The following TBC1D3 variants were observed in gnomAD, a reference collection of about 807,000 sequenced individuals.
TBC1D3 encodes the protein TBC1 domain family member 3, also known as Rab GTPase-activating protein PRC17.
At chr17:38,191,896 G>T (rs2036241374) in intron 1 of TBC1D3, among the ~76,000 whole-genome samples, 2 of 28,268 alleles carry the variant, frequency 7.1e-5, no homozygotes, top group African/African-American at 9.7e-5. Context: ...CAGCCCTCCA[G>T]GGCTCCTTCA....
rs2036245001 is a variant in TBC1D3 at position 38,192,433 on chromosome 17, G to C, written c.-2+12C>G. On this transcript the variant is annotated intron_variant, in intron 1 of 13. Transcript: ENST00000620215. ...AAGTCCGCCTGGAGGGAAGAGAGCA[G>C]GTCACGCTCACCTGATTCTGATGAA... The C allele has an allele frequency of 7.6e-5, 6 of 78,444 alleles. No homozygotes were observed. The highest frequency in any genetic ancestry group is 1.5e-4 in the African/African-American group (5 of 32,574). The allele number at this position is 78,444 out of a possible 1,614,324, so 4.9% of individuals were successfully genotyped here.
intron 12 of TBC1D3, among the ~76,000 whole-genome samples, 173 bp downstream of exon 12, chr17:38,183,874 G>GTCC (rs2144067957): frequency 2.9e-4 from 1 of 3,460 alleles, no homozygotes; most frequent in African/African-American, 4.2e-4. Context: ...ACTTTCATCT[G>GTCC]GGTCATGTGG....
chr17:38,186,772 C>T (rs1378587289), intron 7 of TBC1D3, among the ~76,000 whole-genome samples, 192 bp from the exon 8 acceptor site: 6 of 34,452 alleles, frequency 1.7e-4, no homozygotes, highest in African/African-American at 4.8e-4. Flanking sequence ...GCAAATAGCC[C>T]AGTTGTACAG....
intron 7 of TBC1D3, among the ~76,000 whole-genome samples, 180 bp from the exon 8 acceptor site, chr17:38,186,760 A>G (rs1419284936): frequency 3.0e-5 from 1 of 33,156 alleles, no homozygotes; most frequent in African/African-American, 8.4e-5. Context: ...CATCTGTGAC[A>G]TGCAAATAGC....
At chr17:38,186,775 T>C (rs2036227722) in intron 7 of TBC1D3, among the ~76,000 whole-genome samples, 195 bp from the exon 8 acceptor site, 1 of 35,236 alleles carries the variant, frequency 2.8e-5, no homozygotes, top group Non-Finnish European at 6.6e-5. Flanking sequence ...AATAGCCCAG[T>C]TGTACAGTGA....
At chr17:38,186,836 CAT>C (rs2036228291) in intron 7 of TBC1D3, among the ~76,000 whole-genome samples, 3 of 24,950 alleles carry the variant, frequency 1.2e-4, no homozygotes, top group African/African-American at 2.7e-4. Flanking sequence ...TTTCAGTTTG[CAT>C]ACACGCCAGT....
At chr17:38,192,326 G>A (rs202018444) in intron 1 of TBC1D3, 119 bp downstream of exon 1, 3 of 20,584 alleles carry the variant, frequency 1.5e-4, no homozygotes, top group East Asian at 3.3e-3. Flanking sequence ...TAGAACGGGC[G>A]CCTGGTGAGT....
intron 12 of TBC1D3, among the ~76,000 whole-genome samples, 151 bp from the exon 13 acceptor site, chr17:38,183,827 G>GACCCAGATGAAAGTCGAGAGTGT (rs2144067752): frequency 4.4e-5 from 1 of 22,616 alleles, no homozygotes; most frequent in African/African-American, 7.5e-5. Flanking sequence ...TGTGGCTGGG[G>GACCCAGATGAAAGTCGAGAGTGT]GGCGATCCGG....
chr17:38,191,801 A>G (rs1191826579), intron 1 of TBC1D3, among the ~76,000 whole-genome samples: 49 of 25,080 alleles, frequency 2.0e-3, no homozygotes, highest in Admixed American at 3.7e-3. Flanking sequence ...AGGCCTCAAG[A>G]GGACCACGCA....
chr17:38,186,766 A>T (rs2036227621), intron 7 of TBC1D3, among the ~76,000 whole-genome samples, 186 bp from the exon 8 acceptor site: 1 of 33,976 alleles, frequency 2.9e-5, no homozygotes, highest in African/African-American at 8.2e-5. Flanking sequence ...TGACATGCAA[A>T]TAGCCCAGTT....
chr17:38,187,115 G>T (rs2036229802), intron 7 of TBC1D3, among the ~76,000 whole-genome samples: 13 of 112,448 alleles, frequency 1.2e-4, no homozygotes, highest in Admixed American at 1.1e-3. Flanking sequence ...TCAGCAAAAT[G>T]CATCTAGGAT....
At chr17:38,186,893 G>A (rs1374039653) in intron 7 of TBC1D3, among the ~76,000 whole-genome samples, 4 of 19,864 alleles carry the variant, frequency 2.0e-4, no homozygotes, top group African/African-American at 3.5e-4. Flanking sequence ...AAACCAATGT[G>A]CAGAGTCTCC....
chr17:38,191,814 G>C (rs2036240888), intron 1 of TBC1D3, among the ~76,000 whole-genome samples: 1 of 26,296 alleles, frequency 3.8e-5, no homozygotes, highest in Non-Finnish European at 3.4e-4. Context: ...ACCACGCAGA[G>C]CAAGAAATAC....
At chr17:38,183,841 G>GAT (rs2036217641) in intron 12 of TBC1D3, among the ~76,000 whole-genome samples, 165 bp from the exon 13 acceptor site, 7 of 15,864 alleles carry the variant, frequency 4.4e-4, no homozygotes, top group African/African-American at 7.2e-4. Context: ...GATCCGGACA[G>GAT]GGAAGTGCTC....
Position 38,186,783 on chromosome 17 carries a change from T to C in TBC1D3, c.498-203A>G, listed in dbSNP as rs1185472795. Reference sequence around the variant, plus strand: ...ACATGCAAATAGCCCAGTTGTACAGTGACTTGCCTGATCCTTTTCACTCTG... The same window carrying C: ...ACATGCAAATAGCCCAGTTGTACAGCGACTTGCCTGATCCTTTTCACTCTG... On this transcript the variant is annotated intron_variant, in intron 7 of 13. Transcript: ENST00000620215. 7.4e-3 allele frequency among the ~76,000 whole-genome samples: 262 copies of C among 35,594 alleles called. 1 individual carries two copies. Among genetic ancestry groups the C allele is most frequent in the African/African-American group, 0.02 (255 of 12,714 alleles). The allele number at this position is 35,594 out of a possible 152,430, so 23.4% of individuals were successfully genotyped here.
At chr17:38,183,863 G>GTGAGC (rs2036217983) in intron 12 of TBC1D3, among the ~76,000 whole-genome samples, 184 bp downstream of exon 12, 4 of 6,848 alleles carry the variant, frequency 5.8e-4, no homozygotes, top group African/African-American at 8.8e-4. Flanking sequence ...CCACACTCTC[G>GTGAGC]ACTTTCATCT....
intron 12 of TBC1D3, among the ~76,000 whole-genome samples, 171 bp from the exon 13 acceptor site, chr17:38,183,847 TGCTCA>T (rs2036217775): frequency 6.0e-4 from 8 of 13,406 alleles, no homozygotes; most frequent in African/African-American, 9.5e-4. Flanking sequence ...GACAGGGAAG[TGCTCA>T]CCACACTCTC....
chr17:38,186,813 A>AT (rs574260308), intron 7 of TBC1D3, among the ~76,000 whole-genome samples: 17 of 37,580 alleles, frequency 4.5e-4, no homozygotes, highest in Admixed American at 1.6e-3. Flanking sequence ...ACTCTGAATG[A>AT]TTTTTTTTTT....
chr17:38,192,122 G>C (rs2036243014), intron 1 of TBC1D3, among the ~76,000 whole-genome samples: 1 of 53,056 alleles, frequency 1.9e-5, no homozygotes, highest in African/African-American at 3.3e-5. Context: ...GAGGTCACAG[G>C]GTTCAGGCCT....
Sources: gnomAD v4.1 joint callset for allele counts (sites outside exome capture counted in the v4.1 genomes callset) on GRCh38, gnomAD v4.1.1 for gene constraint, MANE v1.5 for transcripts, NCBI Gene and HGNC (gene_info 2026-07-23, HGNC 2026-07-21) for gene names.